The following NBEA variants were observed in gnomAD, a reference collection of about 807,000 sequenced individuals.
NBEA encodes neurobeachin.
NBEA carries 44 observed loss-of-function variants against 343.4 expected under a neutral mutation model. The ratio of observed to expected loss-of-function variants is 0.13; its 90% CI spans 0.10 to 0.16. The LOEUF is 0.16. Ranked by LOEUF, NBEA falls within the 10% of genes least tolerant of loss-of-function variation. NBEA has a pLI of 1.00. For missense variants in NBEA, 2,555 were observed against 3,631.3 expected (o/e 0.70, Z 7.62); for synonymous variants, 1,175 against 1,238.7 (o/e 0.95, Z 1.08).
At position 34,942,868 on chromosome 13, in the gene NBEA, C is replaced by T. The variant is rs377255095; in HGVS notation, c.48C>T (p.Pro16=). ...CGGGCCCGGGGCTCGAGCCTCAGCC[C>T]GTGGGGCTCATTGCCGTCGGGGCCG... ...PGPGPGLEPQ[P]VGLIAVGAAG... is the part of the protein sequence containing the mutation. Residue 16 remains proline (P), a synonymous_variant, in exon 1 of 59, where the codon CCC becomes CCT. Coordinates refer to ENST00000379939, the MANE Select transcript of NBEA (RefSeq NM_001385012.1). 33 of 1,409,596 alleles carry T rather than the reference C, an allele frequency of 2.3e-5. No homozygotes were observed. The highest frequency in any genetic ancestry group is 2.3e-4 in the African/African-American group (15 of 66,106). 87.3% of individuals were successfully genotyped at this position (1,409,596 alleles called of 1,614,324 possible).
At chr13:35,127,939 T>A (rs1425147023) in intron 17 of NBEA, among the ~76,000 whole-genome samples, 2 of 151,750 alleles carry the variant, frequency 1.3e-5, no homozygotes, top group African/African-American at 4.8e-5. Flanking sequence ...ATAAATCAGC[T>A]GTTGTAAGAA....
chr13:34,997,849 C>T (rs1477045496), intron 1 of NBEA, among the ~76,000 whole-genome samples: 1 of 152,112 alleles, frequency 6.6e-6, no homozygotes, highest in African/African-American at 2.4e-5. Context: ...TTTCTCGTAG[C>T]CCAGAGTTAT....
At chr13:35,509,233 T>G (rs1278874848) in intron 41 of NBEA, among the ~76,000 whole-genome samples, 5 of 152,150 alleles carry the variant, frequency 3.3e-5, no homozygotes, top group Non-Finnish European at 7.4e-5. Context: ...GTTCTTCTAA[T>G]GAAAGGCACA....
chr13:35,320,516 C>T (rs942600671), intron 36 of NBEA, among the ~76,000 whole-genome samples: 20 of 152,184 alleles, frequency 1.3e-4, no homozygotes, highest in African/African-American at 3.4e-4. Flanking sequence ...TTCTCCCTGG[C>T]TGCCCTTAAC....
At chr13:35,145,187 C>T (rs979372739) in intron 18 of NBEA, among the ~76,000 whole-genome samples, 3 of 152,204 alleles carry the variant, frequency 2.0e-5, no homozygotes, top group African/African-American at 4.8e-5. Context: ...CATGCTTTGG[C>T]ACGGTTAGAG....
At chr13:35,081,527 G>C (rs2064397072) in intron 10 of NBEA, among the ~76,000 whole-genome samples, 1 of 151,216 alleles carries the variant, frequency 6.6e-6, no homozygotes. Flanking sequence ...AGATGGGCAA[G>C]CTTTTTTTTT....
intron 34 of NBEA, among the ~76,000 whole-genome samples, chr13:35,243,490 G>A (rs1204559931): frequency 6.6e-6 from 1 of 151,802 alleles, no homozygotes; most frequent in African/African-American, 2.4e-5. Context: ...TAAAAAATCA[G>A]GAACCAACTA....
At position 35,098,335 on chromosome 13, in the gene NBEA, G is replaced by A; in HGVS notation, c.1610G>A (p.Ser537Asn). Residue 537 changes from serine to asparagine, a missense_variant, in exon 11 of 59, where the codon AGT (serine) becomes AAT (asparagine). Physicochemically the swap from Ser to Asn is conservative, Grantham distance 46 (BLOSUM62 1). Around this residue, in one of 21 missense-constraint regions of NBEA, gnomAD observed 360 missense variants for 519.1 expected, o/e 0.69. Coordinates refer to ENST00000379939, the MANE Select transcript of NBEA (RefSeq NM_001385012.1). ...LLAFLVELLK[S>N]SVAMQEQMLG... is the part of the protein sequence containing the mutation. ...GCATTCCTGGTTGAACTACTTAAAA[G>A]TTCAGTAGCCATGCAAGAACAGATG... 6.3e-7 allele frequency: 1 copy of A among 1,592,400 alleles called. No homozygotes were observed. The highest frequency in any genetic ancestry group is 8.6e-7 in the Non-Finnish European group (1 of 1,168,010).
chr13:35,106,537 CA>C (rs1347031313), intron 11 of NBEA, among the ~76,000 whole-genome samples: 1 of 151,636 alleles, frequency 6.6e-6, no homozygotes, highest in African/African-American at 2.4e-5. Flanking sequence ...TTTACACTAA[CA>C]ATAATACAAG....
chr13:35,011,931 A>G (rs764261962), intron 1 of NBEA, among the ~76,000 whole-genome samples: 1 of 152,164 alleles, frequency 6.6e-6, no homozygotes, highest in Non-Finnish European at 1.5e-5. Context: ...TTGCTCTGAT[A>G]TTTAGCAGTA....
chr13:35,044,815 C>CATATAT, intron 2 of NBEA, 132 bp from the exon 3 acceptor site: 2 of 367,964 alleles, frequency 5.4e-6, no homozygotes, highest in Middle Eastern at 7.7e-4. Context: ...GTATTAGATA[C>CATATAT]ATATATATAT....
At chr13:35,553,528 C>G (rs1594955212) in intron 43 of NBEA, among the ~76,000 whole-genome samples, 1 of 151,960 alleles carries the variant, frequency 6.6e-6, no homozygotes, top group African/African-American at 2.4e-5. Context: ...TAACACTACT[C>G]AAGCAGAATG....
intron 41 of NBEA, among the ~76,000 whole-genome samples, chr13:35,541,907 G>A (rs1285999451): frequency 4.6e-5 from 7 of 152,004 alleles, no homozygotes; most frequent in Non-Finnish European, 7.4e-5. Flanking sequence ...ATCGCACAAT[G>A]ACCCCATGAA....
At chr13:35,089,078 G>C (rs2064927040) in intron 10 of NBEA, among the ~76,000 whole-genome samples, 1 of 94,128 alleles carries the variant, frequency 1.1e-5, no homozygotes, top group South Asian at 4.6e-4. Flanking sequence ...TTAAACTAAA[G>C]AGCTTCTGCA....
intron 49 of NBEA, among the ~76,000 whole-genome samples, chr13:35,634,103 G>T (rs2083590948): frequency 6.6e-6 from 1 of 152,096 alleles, no homozygotes; most frequent in Non-Finnish European, 1.5e-5. Context: ...CCAGCACTTT[G>T]GAAAGCCGAG....
chr13:35,440,169 C>A (rs560998693), intron 39 of NBEA, among the ~76,000 whole-genome samples: 10 of 152,178 alleles, frequency 6.6e-5, no homozygotes, highest in South Asian at 2.1e-4. Context: ...CATGAGCTAC[C>A]ATGCCCAGCC....
Position 35,150,749 on chromosome 13 carries a change from G to A in NBEA, c.2446-5025G>A, listed in dbSNP as rs2068724034. On this transcript the variant is annotated intron_variant, in intron 18 of 58. Transcript: ENST00000379939. ...ACTCTACGAATGTGTAAGATTAAGT[G>A]CAGAAATAATAAAGAACCAACTTAT... is the stretch of plus-strand genomic sequence containing the variant. 2.7e-5 allele frequency among the ~76,000 whole-genome samples: 4 copies of A among 149,884 alleles called. No individual in the cohort carries two copies. In the South Asian group the frequency reaches 8.4e-4, roughly 31 times the overall value.
chr13:35,205,008 C>A (rs2073289938), intron 31 of NBEA, among the ~76,000 whole-genome samples: 1 of 151,868 alleles, frequency 6.6e-6, no homozygotes, highest in Admixed American at 6.6e-5. Context: ...TTGCTAATAC[C>A]AAGTAACATT....
At chr13:35,477,015 G>T (rs1454896563) in intron 41 of NBEA, 1 of 172,316 alleles carries the variant, frequency 5.8e-6, no homozygotes, top group Admixed American at 6.5e-5. Flanking sequence ...TGCAAATACA[G>T]GTGTATTAAT....
Sources: gnomAD v4.1 joint callset for allele counts (sites outside exome capture counted in the v4.1 genomes callset) on GRCh38, gnomAD v4.1.1 for gene constraint, gnomAD v4.1.1 regional missense constraint, MANE v1.5 for transcripts, NCBI Gene and HGNC (gene_info 2026-07-23, HGNC 2026-07-21) for gene names.